MORC1: variants seen among roughly 807,000 people sequenced by gnomAD.
The protein encoded by MORC1 is MORC family CW-type zinc finger 1.
In MORC1, 59 loss-of-function variants were observed where a neutral mutation model predicts 134.9. The ratio of observed to expected loss-of-function variants is 0.44; its 90% confidence interval spans 0.35 to 0.54. The LOEUF is 0.54. Ranked by LOEUF, MORC1 falls within the 20% of genes least tolerant of loss-of-function variation. The pLI, the probability that MORC1 is intolerant of heterozygous loss-of-function variation, is 0.00. For synonymous variants in MORC1, 395 were observed against 391.7 expected (o/e 1.01, Z -0.10); for missense variants, 947 against 1,134.5 (o/e 0.83, Z 2.37).
chr3:109,040,985 C>A (rs1949531191), intron 14 of MORC1, among the ~76,000 whole-genome samples: 1 of 151,626 alleles, frequency 6.6e-6, no homozygotes, highest in Non-Finnish European at 1.5e-5. Flanking sequence ...TTAAAAATCA[C>A]TAGAGGGATA....
intron 21 of MORC1, among the ~76,000 whole-genome samples, chr3:108,992,816 C>G (rs1291697087): frequency 1.3e-5 from 2 of 152,154 alleles, no homozygotes; most frequent in African/African-American, 4.8e-5. Context: ...TCCACATAAG[C>G]TCACTCTTTA....
intron 14 of MORC1, among the ~76,000 whole-genome samples, chr3:109,048,728 A>G (rs1331739973): frequency 6.6e-6 from 1 of 151,094 alleles, no homozygotes; most frequent in South Asian, 2.2e-4. Flanking sequence ...GTGTCCTCAC[A>G]TGTTTTTTTC....
intron 8 of MORC1, among the ~76,000 whole-genome samples, chr3:109,084,107 G>C (rs1172760751): frequency 6.6e-6 from 1 of 151,966 alleles, no homozygotes; most frequent in Non-Finnish European, 1.5e-5. Flanking sequence ...AATAAGACAG[G>C]GACACCCACT....
intron 17 of MORC1, among the ~76,000 whole-genome samples, chr3:109,011,118 G>A (rs997209107): frequency 6.6e-6 from 1 of 152,194 alleles, no homozygotes; most frequent in African/African-American, 2.4e-5. Flanking sequence ...GGGAGGCCAA[G>A]GCAGGAGGAT....
intron 8 of MORC1, among the ~76,000 whole-genome samples, chr3:109,077,937 A>C (rs1950453568): frequency 6.6e-6 from 1 of 152,126 alleles, no homozygotes; most frequent in Non-Finnish European, 1.5e-5. Flanking sequence ...ATGTTAACCA[A>C]GAAAAAGCAA....
chr3:109,036,686 G>C (rs1192641172), intron 14 of MORC1, among the ~76,000 whole-genome samples: 1 of 152,030 alleles, frequency 6.6e-6, no homozygotes, highest in African/African-American at 2.4e-5. Flanking sequence ...GGTGCTATGG[G>C]GCTTAGAGAT....
chr3:108,989,750 C>T (rs140159610), intron 21 of MORC1, among the ~76,000 whole-genome samples: 1 of 152,148 alleles, frequency 6.6e-6, no homozygotes, highest in Non-Finnish European at 1.5e-5. Context: ...TCTGTTTGCA[C>T]TCGTCCACAG....
intron 15 of MORC1, among the ~76,000 whole-genome samples, chr3:109,033,232 A>C (rs376644050): frequency 7.8e-4 from 119 of 152,060 alleles, no homozygotes; most frequent in African/African-American, 2.7e-3. Context: ...GAAAACCATG[A>C]TCTCAACTAG....
At chr3:108,978,872 C>A (rs935736678) in intron 24 of MORC1, among the ~76,000 whole-genome samples, 6 of 152,128 alleles carry the variant, frequency 3.9e-5, no homozygotes, top group Admixed American at 1.3e-4. Context: ...CAATGAGGTA[C>A]ATTAATTTAG....
Position 108,979,587 on chromosome 3 carries a change from A to G in MORC1, c.2405T>C (p.Val802Ala), listed in dbSNP as rs1298398331. 4 of 1,614,092 alleles carry G rather than the reference A, an allele frequency of 2.5e-6. No individual in the cohort carries two copies. The Admixed American group carries it at 6.7e-5, about 27-fold the overall frequency. The change falls in exon 24 of 28, where the codon GTT becomes GCT. Residue 802 changes from valine (V) to alanine (A), a missense_variant. By Grantham distance (64) the Val-to-Ala change is moderately conservative. Around this residue, in one of 3 missense-constraint regions of MORC1, gnomAD observed 722 missense variants for 817.0 expected, o/e 0.88. Coordinates refer to ENST00000232603, the MANE Select transcript of MORC1 (RefSeq NM_014429.4). ...TTGAGAAGACGCTGGCGAAGAAGCA[A>G]CTTTACAACTGCCACTCACAGAAAC... ...ARVSVSGSCK[V>A]ASSPASSQST...
At chr3:109,117,140 G>A (rs917884015) in intron 1 of MORC1, among the ~76,000 whole-genome samples, 1 of 152,038 alleles carries the variant, frequency 6.6e-6, no homozygotes, top group Non-Finnish European at 1.5e-5. Flanking sequence ...ATTCTCTAAA[G>A]AGAGATGAAA....
At chr3:109,089,663 T>C (rs1328208515) in intron 8 of MORC1, among the ~76,000 whole-genome samples, 1 of 152,018 alleles carries the variant, frequency 6.6e-6, no homozygotes, top group Non-Finnish European at 1.5e-5. Context: ...TCTACAAAAG[T>C]TTGAGATGTG....
At chr3:109,076,144 AC>A (rs1205050702) in intron 8 of MORC1, among the ~76,000 whole-genome samples, 5 of 152,222 alleles carry the variant, frequency 3.3e-5, no homozygotes, top group African/African-American at 1.2e-4. Flanking sequence ...CTAGAAAAAA[AC>A]AACCCCATCA....
intron 24 of MORC1, 147 bp from the exon 25 acceptor site, chr3:108,971,549 G>T: frequency 3.0e-6 from 2 of 659,620 alleles, no homozygotes; most frequent in Non-Finnish European, 2.6e-6. Flanking sequence ...TTTTATCACT[G>T]ACATCAAAGT....
chr3:109,004,711 G>C (rs1385615559), intron 20 of MORC1, 106 bp downstream of exon 20: 2 of 1,081,900 alleles, frequency 1.8e-6, no homozygotes, highest in African/African-American at 3.2e-5. Context: ...GTATGATTTA[G>C]TTAAGCATTT....
chr3:109,027,647 A>T lies in MORC1; in HGVS notation c.1704+104T>A, dbSNP rs1345910701. ...AGATGTCAAAAAGGACAGGAAAAAG[A>T]TTATACACATTTTATTGTGTAAACC... On this transcript the variant is annotated intron_variant, in intron 17 of 27. Transcript: ENST00000232603. 2.8e-6 allele frequency: 4 copies of T among 1,437,872 alleles called. No homozygotes were observed. The East Asian group carries it at 9.1e-5, about 33-fold the overall frequency. The allele number at this position is 1,437,872 out of a possible 1,614,324, so 89.1% of individuals were successfully genotyped here. A position where few individuals can be genotyped will look rare whatever the true frequency, so the allele number is the denominator to read the frequency against.
At chr3:109,043,382 G>C (rs980774910) in intron 14 of MORC1, among the ~76,000 whole-genome samples, 1 of 152,106 alleles carries the variant, frequency 6.6e-6, no homozygotes, top group African/African-American at 2.4e-5. Flanking sequence ...ACAGAAAGTA[G>C]AATGGTGGTT....
chr3:108,967,580 T>C (rs1947258771), intron 26 of MORC1, among the ~76,000 whole-genome samples: 1 of 152,208 alleles, frequency 6.6e-6, no homozygotes, highest in Admixed American at 6.5e-5. Context: ...GTCAGGTCTC[T>C]AGTAACTTAA....
At chr3:108,961,037 C>G (rs758801500) in intron 27 of MORC1, among the ~76,000 whole-genome samples, 2 of 152,176 alleles carry the variant, frequency 1.3e-5, no homozygotes, top group Non-Finnish European at 2.9e-5. Context: ...ACTGAGGTCT[C>G]CTTGAATGTT....
Sources: allele counts gnomAD v4.1 joint callset (sites outside exome capture counted in the v4.1 genomes callset), GRCh38; gene constraint gnomAD v4.1.1; regional missense constraint gnomAD v4.1.1; transcripts MANE v1.5; gene names NCBI Gene and HGNC (gene_info 2026-07-23, HGNC 2026-07-21).